PIK3C2A: variants seen among roughly 807,000 people sequenced by gnomAD.
The protein encoded by PIK3C2A is phosphatidylinositol-4-phosphate 3-kinase catalytic subunit type 2 alpha.
A neutral mutation model predicts 204.5 loss-of-function variants in PIK3C2A; 97 were observed. The ratio of observed to expected loss-of-function variants is 0.47; its 90% CI spans 0.40 to 0.56. PIK3C2A has a LOEUF of 0.56. Ranked by LOEUF, PIK3C2A falls within the 20% of genes least tolerant of loss-of-function variation. PIK3C2A has a pLI of 0.00. For synonymous variants in PIK3C2A, 653 were observed against 664.4 expected, an observed-to-expected ratio of 0.98 and a Z score of 0.26; for missense variants, 1,735 against 1,969.2, an observed-to-expected ratio of 0.88 and a Z score of 2.25.
chr11:17,116,424 C>A (rs533319214), intron 19 of PIK3C2A, among the ~76,000 whole-genome samples: 1 of 152,074 alleles, frequency 6.6e-6, no homozygotes, highest in South Asian at 2.1e-4. Flanking sequence ...GAAACTGGAA[C>A]CCTTCTATAT....
chr11:17,194,913 G>GAAAA (rs36004617), intron 1 of PIK3C2A, among the ~76,000 whole-genome samples: 1 of 141,796 alleles, frequency 7.1e-6, no homozygotes, highest in East Asian at 2.0e-4. Context: ...CCATCTCGAA[G>GAAAA]AAAAAAAAAA....
intron 2 of PIK3C2A, among the ~76,000 whole-genome samples, chr11:17,162,193 C>T (rs1290848161): frequency 2.8e-4 from 42 of 151,792 alleles, no homozygotes; most frequent in Non-Finnish European, 3.2e-4. Context: ...AAAAATTTGC[C>T]GGGTGTGGTG....
chr11:17,120,469 T>C (rs1005825927), intron 15 of PIK3C2A, among the ~76,000 whole-genome samples: 1 of 151,972 alleles, frequency 6.6e-6, no homozygotes. Context: ...GAATGAAATA[T>C]TTCACCATTT....
chr11:17,110,929 A>G (rs1248333839), intron 21 of PIK3C2A, among the ~76,000 whole-genome samples: 1 of 151,982 alleles, frequency 6.6e-6, no homozygotes, highest in East Asian at 1.9e-4. Context: ...ATTTTTTGAG[A>G]CTGAGTCTTG....
At chr11:17,174,220 A>G (rs1220626941) in intron 1 of PIK3C2A, among the ~76,000 whole-genome samples, 1 of 152,230 alleles carries the variant, frequency 6.6e-6, no homozygotes, top group Non-Finnish European at 1.5e-5. Context: ...TGGTAGGAAA[A>G]ATAAATCAAG....
rs138134213 is a variant in PIK3C2A, at chr11:17,108,059, G to A, written c.3544+2373C>T. Among the ~76,000 whole-genome samples, 74 of 152,180 alleles carry A rather than the reference G, an allele frequency of 4.9e-4. 1 individual carries two copies. The highest frequency in any genetic ancestry group is 1.6e-3 in the African/African-American group (68 of 41,526). On this transcript the variant is annotated intron_variant, in intron 22 of 32. Transcript: ENST00000691414. ...CTAATTTTTTGTATTTTTAGTAGAG[G>A]TGGGGTTTCACCATATTGGCTAGGC...
At chr11:17,204,949 G>A (rs1238209293) in intron 1 of PIK3C2A, among the ~76,000 whole-genome samples, 3 of 152,096 alleles carry the variant, frequency 2.0e-5, no homozygotes, top group African/African-American at 4.8e-5. Context: ...AGGGCGAGGC[G>A]GGCGGATCAC....
Position 17,168,661 on chromosome 11 carries a change from T to G in PIK3C2A, c.1065+16A>C. The G allele has an allele frequency of 2.1e-6, 3 of 1,442,340 alleles. No homozygotes were observed. The highest frequency in any genetic ancestry group is 2.8e-6 in the Non-Finnish European group (3 of 1,061,516). 89.3% of individuals were successfully genotyped at this position (1,442,340 alleles called of 1,614,324 possible). A position where few individuals can be genotyped will look rare whatever the true frequency, so the allele number is the denominator to read the frequency against. ...TGTTATACTAAGTTTGAGAAGTTAG[T>G]AAGAAAAGACTATACCTGAGATATA... is the stretch of plus-strand genomic sequence containing the variant. On this transcript the variant is annotated intron_variant, in intron 2 of 32. Transcript: ENST00000691414.
At chr11:17,162,360 AAAAC>A (rs1012412124) in intron 2 of PIK3C2A, among the ~76,000 whole-genome samples, 2 of 151,940 alleles carry the variant, frequency 1.3e-5, no homozygotes, top group Non-Finnish European at 2.9e-5. Context: ...AACAAAAACA[AAAAC>A]AAAATCCTAT....
At chr11:17,196,812 C>G (rs1331139334) in intron 1 of PIK3C2A, among the ~76,000 whole-genome samples, 1 of 151,946 alleles carries the variant, frequency 6.6e-6, no homozygotes, top group South Asian at 2.1e-4. Context: ...CCTCGTGATC[C>G]GCCCACCTTG....
At chr11:17,184,831 TAC>T (rs1851699008) in intron 1 of PIK3C2A, among the ~76,000 whole-genome samples, 1 of 152,108 alleles carries the variant, frequency 6.6e-6, no homozygotes, top group Admixed American at 6.6e-5. Flanking sequence ...TATTCCTAGC[TAC>T]TCAGGAGGCT....
chr11:17,090,742 AT>A (rs147999470), intron 32 of PIK3C2A, among the ~76,000 whole-genome samples: 134 of 145,124 alleles, frequency 9.2e-4, no homozygotes, highest in East Asian at 1.0e-3. Context: ...AAAACTTAAA[AT>A]TTTTTTTTTT....
chr11:17,146,726 G>GAA (rs142273834), intron 6 of PIK3C2A, among the ~76,000 whole-genome samples: 4 of 133,580 alleles, frequency 3.0e-5, no homozygotes, highest in South Asian at 2.4e-4. Flanking sequence ...GTCTCCAAAA[G>GAA]AAAAAAAAAA....
chr11:17,090,543 G>T (rs777445582), intron 32 of PIK3C2A, among the ~76,000 whole-genome samples: 1 of 152,118 alleles, frequency 6.6e-6, no homozygotes, highest in African/African-American at 2.4e-5. Context: ...GAATAGTCTG[G>T]AAGTAATTAA....
At chr11:17,159,774 T>C (rs1850716269) in intron 2 of PIK3C2A, among the ~76,000 whole-genome samples, 1 of 152,098 alleles carries the variant, frequency 6.6e-6, no homozygotes, top group African/African-American at 2.4e-5. Context: ...AGCTGACAAG[T>C]CTCCAGATCT....
chr11:17,179,472 C>T (rs1851459948), intron 1 of PIK3C2A, among the ~76,000 whole-genome samples: 1 of 152,036 alleles, frequency 6.6e-6, no homozygotes, highest in East Asian at 1.9e-4. Context: ...AACCTACAGC[C>T]TTTAAATGAG....
intron 20 of PIK3C2A, among the ~76,000 whole-genome samples, chr11:17,113,739 A>C (rs1211692902): frequency 6.8e-6 from 1 of 146,240 alleles, no homozygotes; most frequent in African/African-American, 2.6e-5. Flanking sequence ...CCGAGATTGC[A>C]CCATTGCATT....
At chr11:17,114,300 A>T (rs1849103833) in intron 20 of PIK3C2A, 61 bp downstream of exon 20, 5 of 894,052 alleles carry the variant, frequency 5.6e-6, no homozygotes, top group South Asian at 4.0e-5. Flanking sequence ...ATACCTGCCC[A>T]TTTGCCTTCT....
intron 18 of PIK3C2A, 132 bp from the exon 19 acceptor site, chr11:17,117,803 T>C: frequency 1.9e-6 from 1 of 516,488 alleles, no homozygotes; most frequent in East Asian, 3.2e-5. Context: ...AAGCTCTGCC[T>C]CCCGGGTTCA....
Sources: gnomAD v4.1 joint callset for allele counts (sites outside exome capture counted in the v4.1 genomes callset) on GRCh38, gnomAD v4.1.1 for gene constraint, MANE v1.5 for transcripts, NCBI Gene and HGNC (gene_info 2026-07-23, HGNC 2026-07-21) for gene names.